PTPRN2: variants seen among roughly 807,000 people sequenced by gnomAD.
PTPRN2 encodes receptor-type tyrosine-protein phosphatase N2.
In PTPRN2, 74 loss-of-function variants were observed where a neutral mutation model predicts 118.8. That is an observed-to-expected ratio of 0.62 (90% CI 0.52 to 0.76). The LOEUF is 0.76. Ranked by LOEUF, PTPRN2 falls within the 30% of genes least tolerant of loss-of-function variation. The pLI is 0.00. For synonymous variants in PTPRN2, 641 were observed against 608.0 expected, an observed-to-expected ratio of 1.05 and a Z score of -0.80; for missense variants, 1,481 against 1,394.4, an observed-to-expected ratio of 1.06 and a Z score of -0.99.
intron 12 of PTPRN2, among the ~76,000 whole-genome samples, chr7:157,757,990 G>A (rs1223883686): frequency 6.7e-6 from 1 of 149,842 alleles, no homozygotes; most frequent in Non-Finnish European, 1.5e-5. Flanking sequence ...TCATCCACGG[G>A]GCAGCCCCAG....
At chr7:158,515,521 C>T (rs1823488256) in intron 1 of PTPRN2, among the ~76,000 whole-genome samples, 1 of 152,148 alleles carries the variant, frequency 6.6e-6, no homozygotes, top group African/African-American at 2.4e-5. Flanking sequence ...AGCATCTCAA[C>T]ATCAGGAAGA....
intron 5 of PTPRN2, among the ~76,000 whole-genome samples, chr7:158,170,295 G>A (rs1323451825): frequency 2.0e-5 from 3 of 152,162 alleles, no homozygotes; most frequent in African/African-American, 7.2e-5. Context: ...CCACCGTGCT[G>A]GGGGGTGGGG....
chr7:158,316,498 C>T (rs1278758285), intron 3 of PTPRN2, among the ~76,000 whole-genome samples: 3 of 152,212 alleles, frequency 2.0e-5, no homozygotes, highest in Non-Finnish European at 2.9e-5. Flanking sequence ...CCGAGCCACG[C>T]CTGCACTGGA....
At chr7:158,092,816 G>A (rs947666126) in intron 10 of PTPRN2, among the ~76,000 whole-genome samples, 3 of 152,120 alleles carry the variant, frequency 2.0e-5, no homozygotes, top group Admixed American at 6.5e-5. Flanking sequence ...CCTCAGCCTC[G>A]AGGTAGAGGC....
At chr7:157,624,194 G>A (rs1166181307) in intron 14 of PTPRN2, among the ~76,000 whole-genome samples, 1 of 152,204 alleles carries the variant, frequency 6.6e-6, no homozygotes, top group Non-Finnish European at 1.5e-5. Flanking sequence ...GCTGAGGCGG[G>A]TGGATCACCT....
intron 1 of PTPRN2, among the ~76,000 whole-genome samples, chr7:158,512,587 C>T (rs145960876): frequency 1.2e-4 from 18 of 152,322 alleles, no homozygotes; most frequent in Admixed American, 3.9e-4. Context: ...CATCTTCTCG[C>T]TCCGTCAGCT....
chr7:157,613,945 C>T (rs1802573201), intron 15 of PTPRN2: 2 of 454,428 alleles, frequency 4.4e-6, no homozygotes, highest in Non-Finnish European at 4.6e-6. Flanking sequence ...TGGCCAGGGG[C>T]GACCCTCCCG....
intron 10 of PTPRN2, among the ~76,000 whole-genome samples, chr7:158,101,952 G>A (rs527670843): frequency 3.0e-4 from 45 of 152,252 alleles, no homozygotes; most frequent in Admixed American, 2.1e-3. Context: ...ACTACGCCAC[G>A]GTGGGCCCTG....
intron 4 of PTPRN2, among the ~76,000 whole-genome samples, chr7:158,196,690 C>CATGTTTGGA (rs1826239786): frequency 6.6e-6 from 1 of 152,170 alleles, no homozygotes; most frequent in African/African-American, 2.4e-5. Flanking sequence ...CTGCCCACGG[C>CATGTTTGGA]TAGTGAGGAT....
chr7:158,024,551 C>A (rs913917539), intron 11 of PTPRN2, among the ~76,000 whole-genome samples: 1 of 152,212 alleles, frequency 6.6e-6, no homozygotes, highest in Non-Finnish European at 1.5e-5. Flanking sequence ...TCGCTGCCCA[C>A]GTCCTCCACA....
chr7:157,770,610 G>A (rs1230283514), intron 12 of PTPRN2, among the ~76,000 whole-genome samples: 2 of 152,298 alleles, frequency 1.3e-5, no homozygotes, highest in East Asian at 1.9e-4. Flanking sequence ...TAGCGCTATA[G>A]GGGAGCTTAT....
chr7:158,069,775 G>A (rs979835410), intron 11 of PTPRN2, among the ~76,000 whole-genome samples: 24 of 152,344 alleles, frequency 1.6e-4, no homozygotes, highest in African/African-American at 4.3e-4. Flanking sequence ...GCCCAGGCAC[G>A]CAAGGCCAAT....
intron 6 of PTPRN2, 119 bp from the exon 7 acceptor site, chr7:158,138,634 G>T: frequency 4.8e-6 from 4 of 836,994 alleles, no homozygotes; most frequent in Non-Finnish European, 7.5e-6. Flanking sequence ...GCCACCTAGG[G>T]CCAGGCGCAG....
At chr7:157,614,878 G>C (rs1802655599) in intron 15 of PTPRN2, among the ~76,000 whole-genome samples, 1 of 152,210 alleles carries the variant, frequency 6.6e-6, no homozygotes, top group African/African-American at 2.4e-5. Context: ...CAGGACTATG[G>C]GGAAATGCAA....
At chr7:158,270,154 C>T (rs1487763879) in intron 3 of PTPRN2, among the ~76,000 whole-genome samples, 2 of 152,230 alleles carry the variant, frequency 1.3e-5, no homozygotes, top group Non-Finnish European at 2.9e-5. Context: ...AGACGCCCCA[C>T]AGCAAAAGCC....
chr7:158,328,701 G>C (rs181693825), intron 2 of PTPRN2, among the ~76,000 whole-genome samples: 49 of 151,658 alleles, frequency 3.2e-4, no homozygotes, highest in African/African-American at 1.1e-3. Context: ...AGCTTCCCTT[G>C]TGAGTGTGAG....
Position 157,540,592 on chromosome 7 carries a change from C to A in PTPRN2, c.*122G>T. 1.4e-6 allele frequency: 1 copy of A among 720,304 alleles called. No individual in the cohort carries two copies. The highest frequency in any genetic ancestry group is 3.3e-5 in the Admixed American group (1 of 30,768). 44.6% of individuals were successfully genotyped at this position (720,304 alleles called of 1,614,324 possible). Reference sequence around the variant, plus strand: ...TTTAACTGCTAAACTGCGCTGACTACGGGAGAGCTAAGGGCCCTATTACTA... The same window carrying A: ...TTTAACTGCTAAACTGCGCTGACTAAGGGAGAGCTAAGGGCCCTATTACTA... On this transcript the variant is annotated 3_prime_UTR_variant, in exon 23 of 23. Transcript: ENST00000389418.
intron 10 of PTPRN2, among the ~76,000 whole-genome samples, chr7:158,104,418 G>C (rs990463388): frequency 6.6e-6 from 1 of 152,176 alleles, no homozygotes; most frequent in Non-Finnish European, 1.5e-5. Context: ...GGATAAAAAA[G>C]TCATAGATGA....
intron 3 of PTPRN2, among the ~76,000 whole-genome samples, chr7:158,238,013 G>C (rs117130220): frequency 6.6e-6 from 1 of 152,122 alleles, no homozygotes; most frequent in Non-Finnish European, 1.5e-5. Context: ...TGCTCCCGAC[G>C]TCCCTGGAGG....
Sources: allele counts gnomAD v4.1 joint callset (sites outside exome capture counted in the v4.1 genomes callset), GRCh38; gene constraint gnomAD v4.1.1; transcripts MANE v1.5; gene names NCBI Gene and HGNC (gene_info 2026-07-23, HGNC 2026-07-21).